The following RNF152 variants were observed in gnomAD, a reference collection of about 807,000 sequenced individuals.
RNF152 encodes E3 ubiquitin-protein ligase RNF152.
RNF152 carries 11 observed loss-of-function variants against 12.7 expected under a neutral mutation model. That is an observed-to-expected ratio of 0.86 (90% CI 0.54 to 1.43). The LOEUF (loss-of-function observed/expected upper bound fraction) is 1.43, where lower values mean the gene tolerates loss of function less well. Among genes scored for constraint, RNF152 ranks in the 40% most tolerant of loss-of-function variants. RNF152 has a pLI of 0.00. For synonymous variants in RNF152, 113 were observed against 120.3 expected (o/e 0.94, Z 0.40); for missense variants, 255 against 274.8 (o/e 0.93, Z 0.51).
intron 1 of RNF152, among the ~76,000 whole-genome samples, chr18:61,824,163 G>T (rs975061117): frequency 7.2e-5 from 11 of 152,174 alleles, no homozygotes; most frequent in Non-Finnish European, 1.3e-4. Context: ...ACTGGTTTTT[G>T]TTTGTATATC....
chr18:61,882,340 T>C (rs1363336050), intron 1 of RNF152, among the ~76,000 whole-genome samples: 1 of 152,234 alleles, frequency 6.6e-6, no homozygotes, highest in Non-Finnish European at 1.5e-5. Flanking sequence ...AAAATTCCCC[T>C]TCCAAAAACA....
intron 1 of RNF152, among the ~76,000 whole-genome samples, chr18:61,835,921 A>T (rs918418313): frequency 2.6e-5 from 4 of 152,226 alleles, no homozygotes; most frequent in African/African-American, 9.6e-5. Context: ...AGGCTTTCTC[A>T]CTGTGGAAGG....
chr18:61,816,545 A>G lies in RNF152; in HGVS notation c.-82T>C. On this transcript the variant is annotated 5_prime_UTR_variant, in exon 2 of 2. Coordinates refer to ENST00000312828, the MANE Select transcript of RNF152 (RefSeq NM_173557.3). ...AGAGGCCACCGCCCTGTGTCTTTGC[A>G]GTGCAGGTAATGGCAAGCTCACAGG... The G allele has an allele frequency of 6.7e-7, 1 of 1,488,698 alleles. No individual in the cohort carries two copies. Among genetic ancestry groups the G allele is most frequent in the Non-Finnish European group, 9.1e-7 (1 of 1,103,532 alleles). The allele number at this position is 1,488,698 out of a possible 1,614,324, so 92.2% of individuals were successfully genotyped here.
chr18:61,821,372 C>T (rs1056985729), intron 1 of RNF152, among the ~76,000 whole-genome samples: 4 of 152,146 alleles, frequency 2.6e-5, no homozygotes, highest in African/African-American at 7.2e-5. Flanking sequence ...CTACATGAAG[C>T]CAGCCTGTAC....
intron 1 of RNF152, among the ~76,000 whole-genome samples, chr18:61,859,010 G>A (rs1568282860): frequency 6.6e-6 from 1 of 152,018 alleles, no homozygotes; most frequent in African/African-American, 2.4e-5. Context: ...CCAATTACAG[G>A]AGGGTGAAGG....
intron 1 of RNF152, among the ~76,000 whole-genome samples, chr18:61,875,455 G>C (rs1647822134): frequency 6.6e-6 from 1 of 151,732 alleles, no homozygotes; most frequent in Non-Finnish European, 1.5e-5. Context: ...TTTTTTCTTT[G>C]TTCCTACAAC....
At chr18:61,819,975 C>T (rs1452852004) in intron 1 of RNF152, among the ~76,000 whole-genome samples, 3 of 144,532 alleles carry the variant, frequency 2.1e-5, no homozygotes, top group Non-Finnish European at 4.5e-5. Flanking sequence ...GAGGCAACAT[C>T]GCACCACTGC....
chr18:61,838,738 T>C (rs1187678212), intron 1 of RNF152, among the ~76,000 whole-genome samples: 2 of 152,132 alleles, frequency 1.3e-5, no homozygotes, highest in African/African-American at 4.8e-5. Context: ...CCTCTGCTGT[T>C]CAAAGTGCGA....
intron 1 of RNF152, among the ~76,000 whole-genome samples, chr18:61,852,296 C>T (rs1334988396): frequency 6.6e-6 from 1 of 152,144 alleles, no homozygotes; most frequent in African/African-American, 2.4e-5. Flanking sequence ...CCTTTTCTCC[C>T]CTCACTACTG....
At chr18:61,834,027 C>T (rs1455987889) in intron 1 of RNF152, among the ~76,000 whole-genome samples, 1 of 152,220 alleles carries the variant, frequency 6.6e-6, no homozygotes, top group East Asian at 1.9e-4. Context: ...AATCAACCAT[C>T]CAATGCTTTA....
In RNF152 at chr18:61,811,187, C is replaced by A. The variant is rs1416393019; in HGVS notation, c.*4665G>T. ...TTTTGTATATATTCCATTTGGAAAA[C>A]AATGAAAAGCAGACTAACCAATTTT... On this transcript the variant is annotated 3_prime_UTR_variant, in exon 2 of 2. Transcript: ENST00000312828. The A allele has an allele frequency of 6.6e-6, 1 of 151,294 alleles. No homozygotes were observed. The highest frequency in any genetic ancestry group is 1.5e-5 in the Non-Finnish European group (1 of 67,882). The allele number at this position is 151,294 out of a possible 1,614,324, so 9.4% of individuals were successfully genotyped here. A position where few individuals can be genotyped will look rare whatever the true frequency, so the allele number is the denominator to read the frequency against.
At chr18:61,834,761 T>A (rs1910105250) in intron 1 of RNF152, among the ~76,000 whole-genome samples, 1 of 152,226 alleles carries the variant, frequency 6.6e-6, no homozygotes, top group African/African-American at 2.4e-5. Flanking sequence ...ATTCATACAT[T>A]ATCAGTATGC....
At chr18:61,819,981 A>T (rs1909302019) in intron 1 of RNF152, among the ~76,000 whole-genome samples, 1 of 145,538 alleles carries the variant, frequency 6.9e-6, no homozygotes, top group South Asian at 2.2e-4. Flanking sequence ...ACATCGCACC[A>T]CTGCACTCCA....
chr18:61,827,581 G>A (rs1909728013), intron 1 of RNF152, among the ~76,000 whole-genome samples: 1 of 150,854 alleles, frequency 6.6e-6, no homozygotes, highest in South Asian at 2.1e-4. Flanking sequence ...AAAGTAAAAG[G>A]CCAGTGGGTT....
intron 1 of RNF152, among the ~76,000 whole-genome samples, chr18:61,835,998 C>A (rs78853062): frequency 0.048 from 7,329 of 152,240 alleles, 234 homozygotes; most frequent in Non-Finnish European, 0.067. Flanking sequence ...TAAATTGGAA[C>A]CATCAGATTA....
chr18:61,824,706 A>AG (rs1909578417), intron 1 of RNF152, among the ~76,000 whole-genome samples: 1 of 152,228 alleles, frequency 6.6e-6, no homozygotes, highest in Admixed American at 6.5e-5. Context: ...TACCAGATGA[A>AG]GGGGGTCCCA....
chr18:61,884,882 C>G (rs1466142408), intron 1 of RNF152, among the ~76,000 whole-genome samples: 1 of 152,114 alleles, frequency 6.6e-6, no homozygotes, highest in Non-Finnish European at 1.5e-5. Flanking sequence ...TTAATGAATG[C>G]AATTGTTTGC....
chr18:61,862,665 C>T (rs948516582), intron 1 of RNF152, among the ~76,000 whole-genome samples: 12 of 152,228 alleles, frequency 7.9e-5, no homozygotes, highest in Admixed American at 1.3e-4. Flanking sequence ...CCACCCCTCA[C>T]CCCACGTGTC....
intron 1 of RNF152, among the ~76,000 whole-genome samples, chr18:61,864,919 C>G (rs1295147103): frequency 6.6e-6 from 1 of 152,092 alleles, no homozygotes; most frequent in Admixed American, 6.5e-5. Flanking sequence ...ACTCAGGAGG[C>G]TGAGGCAGGA....
Sources: allele counts gnomAD v4.1 joint callset (sites outside exome capture counted in the v4.1 genomes callset), GRCh38; gene constraint gnomAD v4.1.1; transcripts MANE v1.5; gene names NCBI Gene and HGNC (gene_info 2026-07-23, HGNC 2026-07-21).